AUTS2: variants seen among roughly 807,000 people sequenced by gnomAD.
The protein encoded by AUTS2 is autism susceptibility gene 2 protein.
AUTS2 carries 17 observed loss-of-function variants against 112.4 expected under a neutral mutation model. The ratio of observed to expected loss-of-function variants is 0.15; its 90% CI spans 0.10 to 0.23. The LOEUF is 0.23. AUTS2 is among the 10% of genes least tolerant of loss of function. AUTS2 has a pLI of 1.00. For synonymous variants in AUTS2, 751 were observed against 702.7 expected (o/e 1.07, Z -1.09); for missense variants, 1,510 against 1,701.6 (o/e 0.89, Z 1.98).
At chr7:69,889,696 A>G (rs141648801) in intron 1 of AUTS2, among the ~76,000 whole-genome samples, 26 of 152,330 alleles carry the variant, frequency 1.7e-4, no homozygotes, top group African/African-American at 6.0e-4. Flanking sequence ...AGCAAGTATC[A>G]TTAGAATTAC....
At chr7:70,011,170 G>A (rs921644089) in intron 2 of AUTS2, among the ~76,000 whole-genome samples, 3 of 152,178 alleles carry the variant, frequency 2.0e-5, no homozygotes, top group African/African-American at 7.2e-5. Context: ...GAGCCACTGA[G>A]GATGGAAAAG....
At position 69,689,343 on chromosome 7, in the gene AUTS2, ATTTTTTT is replaced by A. The variant is rs530444257; in HGVS notation, c.309+89400_309+89406del. Among the ~76,000 whole-genome samples, 238 of 102,502 alleles carry A rather than the reference ATTTTTTT, an allele frequency of 2.3e-3. 1 individual carries two copies. The highest frequency in any genetic ancestry group is 7.8e-3 in the African/African-American group (210 of 26,878). The allele number at this position is 102,502 out of a possible 152,430, so 67.2% of individuals were successfully genotyped here. Reference sequence around the variant, plus strand: ...TACCTTTTAATTAATTAATTAATTAATTTTTTTTTTTTTTTTTTTTTTTTTGAGACGG... The same window carrying A: ...TACCTTTTAATTAATTAATTAATTAATTTTTTTTTTTTTTTTTTGAGACGG... On this transcript the variant is annotated intron_variant, in intron 1 of 18. Transcript: ENST00000342771.
intron 3 of AUTS2, among the ~76,000 whole-genome samples, chr7:70,125,486 G>A (rs971655671): frequency 5.3e-5 from 8 of 152,114 alleles, no homozygotes; most frequent in African/African-American, 1.9e-4. Flanking sequence ...TCCCAGTGGT[G>A]GTTTTCCTCG....
intron 1 of AUTS2, among the ~76,000 whole-genome samples, chr7:69,844,509 A>G (rs909141234): frequency 6.6e-6 from 1 of 152,208 alleles, no homozygotes; most frequent in Non-Finnish European, 1.5e-5. Context: ...ACCAGAGAGG[A>G]AACATGACAG....
At chr7:69,625,914 A>G (rs1793922878) in intron 1 of AUTS2, among the ~76,000 whole-genome samples, 1 of 152,140 alleles carries the variant, frequency 6.6e-6, no homozygotes, top group African/African-American at 2.4e-5. Context: ...AGAAAGAATG[A>G]CAATGGAACA....
intron 4 of AUTS2, among the ~76,000 whole-genome samples, chr7:70,414,271 C>T (rs538289907): frequency 3.3e-5 from 5 of 152,210 alleles, no homozygotes; most frequent in South Asian, 2.1e-4. Context: ...GGTCCACAGG[C>T]GGTGAATTAC....
At chr7:70,464,877 C>T (rs1797112058) in intron 5 of AUTS2, among the ~76,000 whole-genome samples, 1 of 152,116 alleles carries the variant, frequency 6.6e-6, no homozygotes, top group Admixed American at 6.5e-5. Flanking sequence ...GGTTGTTTCA[C>T]TTTGGAGGAG....
intron 1 of AUTS2, among the ~76,000 whole-genome samples, chr7:69,666,877 G>A (rs1054699989): frequency 3.9e-5 from 6 of 152,098 alleles, no homozygotes; most frequent in Non-Finnish European, 8.8e-5. Context: ...ACTCCAGCCT[G>A]GGCGAGAGAG....
intron 2 of AUTS2, among the ~76,000 whole-genome samples, chr7:70,048,673 T>C (rs887057148): frequency 1.3e-4 from 20 of 152,224 alleles, no homozygotes; most frequent in Admixed American, 1.2e-3. Flanking sequence ...CTATTATACG[T>C]TGAAATTTTG....
At chr7:70,684,027 A>G (rs915483507) in intron 5 of AUTS2, among the ~76,000 whole-genome samples, 5 of 152,188 alleles carry the variant, frequency 3.3e-5, no homozygotes, top group Non-Finnish European at 5.9e-5. Flanking sequence ...TACCCCAGCA[A>G]GTGTATGATT....
chr7:70,216,624 G>A (rs1291770545), intron 4 of AUTS2, among the ~76,000 whole-genome samples: 1 of 152,214 alleles, frequency 6.6e-6, no homozygotes, highest in Non-Finnish European at 1.5e-5. Context: ...TGACTAATGA[G>A]AGTTGTTGTA....
rs570046634 is a variant in AUTS2 at position 69,920,138 on chromosome 7, A to T, written c.522+20640A>T. Among the ~76,000 whole-genome samples the T allele has an allele frequency of 2.0e-5, 3 of 152,184 alleles. No homozygotes were observed. In the South Asian group the frequency reaches 6.2e-4, roughly 32 times the overall value. ...TTGTAACTTTAGATCTTTTACATTG[A>T]AATTATAGAAATTTGATTGTTATGG... On this transcript the variant is annotated intron_variant, in intron 2 of 18. Transcript: ENST00000342771.
At chr7:70,588,174 G>A (rs1802771022) in intron 5 of AUTS2, among the ~76,000 whole-genome samples, 1 of 152,208 alleles carries the variant, frequency 6.6e-6, no homozygotes, top group South Asian at 2.1e-4. Flanking sequence ...AAATCTGGAA[G>A]ATGGAAAATC....
intron 1 of AUTS2, among the ~76,000 whole-genome samples, chr7:69,740,040 G>A (rs1417113345): frequency 3.3e-5 from 5 of 152,186 alleles, no homozygotes; most frequent in Non-Finnish European, 7.4e-5. Flanking sequence ...GGCCAATGAC[G>A]TAGGAACACA....
chr7:69,606,077 G>A (rs184045050), intron 1 of AUTS2, among the ~76,000 whole-genome samples: 2 of 152,170 alleles, frequency 1.3e-5, no homozygotes, highest in East Asian at 1.9e-4. Context: ...AAATGAATCC[G>A]TGAATTTAAA....
intron 1 of AUTS2, among the ~76,000 whole-genome samples, chr7:69,602,058 G>A (rs62457179): frequency 0.055 from 660 of 11,896 alleles, 7 homozygotes; most frequent in East Asian, 0.18. Context: ...GTGTGTGTGT[G>A]TGTGTGTGTG....
intron 2 of AUTS2, among the ~76,000 whole-genome samples, chr7:70,010,815 T>C (rs1799768949): frequency 6.6e-6 from 1 of 152,218 alleles, no homozygotes; most frequent in Non-Finnish European, 1.5e-5. Context: ...CTATCCATTC[T>C]ACAGTGCTCA....
intron 5 of AUTS2, among the ~76,000 whole-genome samples, chr7:70,525,880 A>G (rs532727365): frequency 1.3e-5 from 2 of 152,334 alleles, no homozygotes; most frequent in African/African-American, 4.8e-5. Context: ...CAGAGGCAGG[A>G]AACAGGAGCA....
chr7:70,155,852 A>G (rs1015829658), intron 4 of AUTS2, among the ~76,000 whole-genome samples: 2 of 152,160 alleles, frequency 1.3e-5, no homozygotes, highest in African/African-American at 4.8e-5. Flanking sequence ...GTGTGAGTTC[A>G]TGTGTAGAAG....
Sources: allele counts gnomAD v4.1 joint callset (sites outside exome capture counted in the v4.1 genomes callset), GRCh38; gene constraint gnomAD v4.1.1; transcripts MANE v1.5; gene names NCBI Gene and HGNC (gene_info 2026-07-23, HGNC 2026-07-21).